Variants in GPC5 observed in about 807,000 individuals in gnomAD.
GPC5 encodes the protein glypican 5, also known as glypican-5.
In GPC5, 47 loss-of-function variants were observed where a neutral mutation model predicts 53.9. The observed-to-expected ratio is 0.87, with a 90% CI of 0.69 to 1.11. The LOEUF (loss-of-function observed/expected upper bound fraction) is 1.11, where lower values mean the gene tolerates loss of function less well. Ranked by LOEUF, GPC5 falls within the 50% of genes most tolerant of loss-of-function variation. The probability of loss-of-function intolerance (pLI) is 0.00; values close to 1 mark genes in which losing one functional copy is unlikely to be tolerated. For synonymous variants in GPC5, 286 were observed against 263.3 expected, an observed-to-expected ratio of 1.09 and a Z score of -0.84; for missense variants, 748 against 713.1, an observed-to-expected ratio of 1.05 and a Z score of -0.56.
chr13:92,004,458 T>TTATATATATATATATATATATATATA (rs58376767), intron 6 of GPC5, among the ~76,000 whole-genome samples: 8 of 82,486 alleles, frequency 9.7e-5, no homozygotes, highest in South Asian at 3.5e-4. Flanking sequence ...AAAAAAAAAA[T>TTATATATATATATATATATATATATA]TATATATATA....
At chr13:91,975,010 G>A (rs1185215768) in intron 6 of GPC5, among the ~76,000 whole-genome samples, 2 of 152,128 alleles carry the variant, frequency 1.3e-5, no homozygotes, top group South Asian at 2.1e-4. Flanking sequence ...ACAAAAACAA[G>A]CAATGGGGAA....
At chr13:92,846,312 AT>A (rs1878610789) in intron 7 of GPC5, among the ~76,000 whole-genome samples, 1 of 152,156 alleles carries the variant, frequency 6.6e-6, no homozygotes, top group African/African-American at 2.4e-5. Context: ...GGGAAACACA[AT>A]TTGGATTATA....
chr13:92,266,882 CA>C (rs1161171211), intron 7 of GPC5, among the ~76,000 whole-genome samples: 3 of 130,868 alleles, frequency 2.3e-5, no homozygotes, highest in African/African-American at 9.6e-5. Context: ...AAGAAAAACA[CA>C]ATTTTTTTTT....
intron 7 of GPC5, among the ~76,000 whole-genome samples, chr13:92,583,399 G>T (rs907392382): frequency 2.0e-5 from 3 of 152,166 alleles, no homozygotes; most frequent in Admixed American, 6.5e-5. Flanking sequence ...TACTCTGTCA[G>T]TCAGTTTACC....
intron 7 of GPC5, among the ~76,000 whole-genome samples, chr13:92,523,792 C>G (rs1057385572): frequency 2.0e-5 from 3 of 151,836 alleles, no homozygotes; most frequent in Non-Finnish European, 4.4e-5. Flanking sequence ...TAATATTTTA[C>G]AAGGCAGCTG....
chr13:91,998,172 C>T (rs1004832119), intron 6 of GPC5, among the ~76,000 whole-genome samples: 3 of 152,212 alleles, frequency 2.0e-5, no homozygotes, highest in African/African-American at 7.2e-5. Flanking sequence ...ACTTCACTTA[C>T]TGCCCGTGTA....
intron 7 of GPC5, among the ~76,000 whole-genome samples, chr13:92,800,042 A>G (rs935608822): frequency 2.6e-5 from 4 of 151,840 alleles, no homozygotes; most frequent in African/African-American, 9.7e-5. Context: ...TCATGACTAG[A>G]TAACCACTTT....
intron 7 of GPC5, among the ~76,000 whole-genome samples, chr13:92,414,724 A>G (rs144579394): frequency 0.012 from 1,765 of 152,236 alleles, 35 homozygotes; most frequent in African/African-American, 0.04. Context: ...ATCTCTTACA[A>G]TTCTAGAGGC....
At chr13:91,627,984 T>C (rs1045557089) in intron 2 of GPC5, among the ~76,000 whole-genome samples, 7 of 152,162 alleles carry the variant, frequency 4.6e-5, no homozygotes, top group African/African-American at 1.7e-4. Context: ...ATTATGTCTT[T>C]GGACTCTTTT....
intron 7 of GPC5, among the ~76,000 whole-genome samples, chr13:92,146,377 A>G (rs2138986116): frequency 6.6e-6 from 1 of 152,170 alleles, no homozygotes; most frequent in African/African-American, 2.4e-5. Flanking sequence ...TGACTGTTTC[A>G]TTTATTTAGG....
intron 7 of GPC5, among the ~76,000 whole-genome samples, chr13:92,324,007 T>C (rs1416582678): frequency 6.6e-6 from 1 of 151,946 alleles, no homozygotes; most frequent in African/African-American, 2.4e-5. Context: ...TGATGTAGTT[T>C]CTGTTTATAA....
chr13:92,740,950 A>ATG (rs1889071109), intron 7 of GPC5, among the ~76,000 whole-genome samples: 2 of 134,634 alleles, frequency 1.5e-5, no homozygotes, highest in Non-Finnish European at 3.1e-5. Flanking sequence ...GTGTGTATAT[A>ATG]TATGTATGTG....
At position 92,442,013 on chromosome 13, in the gene GPC5, C is replaced by CA. The variant is rs547827882; in HGVS notation, c.1561+297030dup. Among the ~76,000 whole-genome samples, 213 of 152,128 alleles carry CA rather than the reference C, an allele frequency of 1.4e-3. 1 individual carries two copies. The highest frequency in any genetic ancestry group is 1.6e-3 in the Non-Finnish European group (112 of 67,974). ...AATTTAATATGCATTATTTAAGAGG[C>CA]AAAAAACCCAATAGTGTTTGACTCA... On this transcript the variant is annotated intron_variant, in intron 7 of 7. Coordinates refer to ENST00000377067, the MANE Select transcript of GPC5 (RefSeq NM_004466.6).
chr13:92,024,091 A>C (rs1030868398), intron 6 of GPC5, among the ~76,000 whole-genome samples: 2 of 152,138 alleles, frequency 1.3e-5, no homozygotes, highest in Admixed American at 1.3e-4. Flanking sequence ...TCTGAGGCCC[A>C]GGCCCATAAG....
intron 7 of GPC5, among the ~76,000 whole-genome samples, chr13:92,589,201 C>T (rs1883639256): frequency 6.6e-6 from 1 of 152,184 alleles, no homozygotes; most frequent in Non-Finnish European, 1.5e-5. Context: ...CCTTGAGTAA[C>T]ACTAGAAAGA....
intron 7 of GPC5, among the ~76,000 whole-genome samples, chr13:92,516,322 G>A (rs1018807767): frequency 3.9e-5 from 6 of 152,016 alleles, no homozygotes; most frequent in South Asian, 2.1e-4. Context: ...AAATACACGA[G>A]TCCATATTGT....
intron 7 of GPC5, among the ~76,000 whole-genome samples, chr13:92,290,901 C>T (rs575371091): frequency 3.1e-4 from 47 of 152,104 alleles, no homozygotes; most frequent in Non-Finnish European, 5.7e-4. Context: ...GAGGCGCTGG[C>T]GGAAACCGGG....
chr13:92,659,157 T>C (rs1886248316), intron 7 of GPC5: 1 of 151,416 alleles, frequency 6.6e-6, no homozygotes, highest in Non-Finnish European at 1.5e-5. Context: ...CTCGATCTCC[T>C]GACCTCGTGA....
intron 7 of GPC5, among the ~76,000 whole-genome samples, chr13:92,786,742 T>C (rs1876246436): frequency 6.6e-6 from 1 of 152,026 alleles, no homozygotes; most frequent in Non-Finnish European, 1.5e-5. Flanking sequence ...AGATCAGAAA[T>C]GAAACAAAAT....
Sources: allele counts gnomAD v4.1 joint callset (sites outside exome capture counted in the v4.1 genomes callset), GRCh38; gene constraint gnomAD v4.1.1; transcripts MANE v1.5; gene names NCBI Gene and HGNC (gene_info 2026-07-23, HGNC 2026-07-21).